Variants in STRN4 observed in about 807,000 individuals in gnomAD.
The protein encoded by STRN4 is striatin-4.
STRN4 carries 27 observed loss-of-function variants against 77.9 expected under a neutral mutation model. That is an observed-to-expected ratio of 0.35 (90% CI 0.26 to 0.48). The LOEUF is 0.48. STRN4 is among the 20% of genes least tolerant of loss of function. The pLI is 0.99. For synonymous variants in STRN4, 466 were observed against 443.1 expected (o/e 1.05, Z -0.65); for missense variants, 798 against 1,049.7 (o/e 0.76, Z 3.31).
intron 16 of STRN4, chr19:46,721,759 A>G (rs1204345479): frequency 1.9e-6 from 1 of 529,948 alleles, no homozygotes; most frequent in East Asian, 3.2e-5. Flanking sequence ...CAAAGTACCA[A>G]CCGCACAGGC....
At position 46,737,000 on chromosome 19, in the gene STRN4, T is replaced by G; in HGVS notation, c.461-99A>C. The G allele has an allele frequency of 2.6e-6, 3 of 1,150,712 alleles. No individual in the cohort carries two copies. The South Asian group carries it at 4.1e-5, about 16-fold the overall frequency. The allele number at this position is 1,150,712 out of a possible 1,614,324, so 71.3% of individuals were successfully genotyped here. A position where few individuals can be genotyped will look rare whatever the true frequency, so the allele number is the denominator to read the frequency against. On this transcript the variant is annotated intron_variant, in intron 3 of 17. Transcript: ENST00000263280. The stretch of plus-strand genomic sequence containing the variant: ...CACCCCTCCAACCCAAATCGGTCAC[T>G]GTCGCAGGTCCTGTGGCATCACTTC...
Position 46,722,357 on chromosome 19 carries a change from G to C in STRN4, c.1907-17C>G. 1 of 1,611,114 alleles carries C rather than the reference G, an allele frequency of 6.2e-7. No homozygotes were observed. The highest frequency in any genetic ancestry group is 8.5e-7 in the Non-Finnish European group (1 of 1,177,422). On this transcript the variant is annotated splice_polypyrimidine_tract_variant and intron_variant, in intron 14 of 17. Coordinates refer to ENST00000263280, the MANE Select transcript of STRN4 (RefSeq NM_013403.3). ...GGGTTGGACCTGAAGGAAAACGCAG[G>C]AAGAGGGAAGGATGTCAAGCAGAAA...
In STRN4 at chr19:46,738,834, C is replaced by T. The variant is rs748001858; in HGVS notation, c.337G>A (p.Asp113Asn). 1.2e-6 allele frequency: 2 copies of T among 1,614,182 alleles called. No homozygotes were observed. Residue 113 changes from aspartate (D) to asparagine (N), a missense_variant, in exon 2 of 18, where the codon GAC (aspartate) becomes AAC (asparagine). This residue lies in a region of STRN4 where 511 missense variants were observed against 575.9 expected (regional missense o/e 0.89). Transcript: ENST00000263280. This position sits in a 1 kb window ranked among gnomAD's most constrained non-coding sequence, Gnocchi z 4.5. Reference protein sequence around the residue: ...ERKGQENLKTDLVRRIKMLEY... With the variant: ...ERKGQENLKTNLVRRIKMLEY... ...AGCATCTTGATCCGCCGCACCAGGT[C>T]CGTCTTTAGATTCTCCTGCCCTTTC...
intron 6 of STRN4, 119 bp from the exon 7 acceptor site, chr19:46,728,896 T>G: frequency 7.0e-7 from 1 of 1,422,014 alleles, no homozygotes; most frequent in Non-Finnish European, 9.4e-7. Flanking sequence ...TGGGGCTGCC[T>G]CAGCCGCCAG....
chr19:46,722,166 C>A, intron 15 of STRN4, 76 bp downstream of exon 15: 1 of 1,598,328 alleles, frequency 6.3e-7, no homozygotes, highest in South Asian at 1.1e-5. Flanking sequence ...CAGAGCCTCC[C>A]ACAGGGACGC....
rs2054180310 is a variant in STRN4 at position 46,728,666 on chromosome 19, C to G, written c.991G>C (p.Ala331Pro). 2.5e-6 allele frequency: 4 copies of G among 1,614,124 alleles called. No homozygotes were observed. The highest frequency in any genetic ancestry group is 3.4e-6 in the Non-Finnish European group (4 of 1,179,996). Reference protein sequence around the residue: ...FLGSGEDGEGAPDPRRCTVDG... With the variant: ...FLGSGEDGEGPPDPRRCTVDG... ...ACAGTGCACCGCCGAGGGTCTGGAG[C>G]CCCTTCCCCATCCTCTCCTGAGCCC... Residue 331 changes from alanine (A) to proline (P), a missense_variant, in exon 7 of 18, where the codon GCT (alanine) becomes CCT (proline). Transcript: ENST00000263280.
chr19:46,734,533 T>C (rs946426119), intron 4 of STRN4, among the ~76,000 whole-genome samples: 3 of 152,176 alleles, frequency 2.0e-5, no homozygotes, highest in Admixed American at 1.3e-4. Context: ...GAACTGACCA[T>C]GGAGAGTTAT....
rs148927592 is a variant in STRN4, at chr19:46,737,619, G to A, written c.460+545C>T. On this transcript the variant is annotated intron_variant, in intron 3 of 17. Coordinates refer to ENST00000263280, the MANE Select transcript of STRN4 (RefSeq NM_013403.3). ...CTGTCCCCTAACCCTTTCAGCGTGCGTCTCTGTATCTGTGCTCTCTCCCCT... is the reference window on the plus strand; with the variant it reads ...CTGTCCCCTAACCCTTTCAGCGTGCATCTCTGTATCTGTGCTCTCTCCCCT... 4.4e-3 allele frequency among the ~76,000 whole-genome samples: 666 copies of A among 151,296 alleles called. 4 individuals are homozygous for A. The highest frequency in any genetic ancestry group is 0.013 in the African/African-American group (530 of 41,196).
In STRN4 at chr19:46,738,027, C is replaced by T. The variant is rs552476746; in HGVS notation, c.460+137G>A. ...AGGGAGGGCTCTGAGAGTGAGATTC[C>T]GCCCCTCCCCAGCCCCGGGGCCGAT... On this transcript the variant is annotated intron_variant, in intron 3 of 17. Coordinates refer to ENST00000263280, the MANE Select transcript of STRN4 (RefSeq NM_013403.3). The surrounding 1 kb of genome is among the most constrained non-coding windows in gnomAD (Gnocchi z 4.5). 13 of 863,326 alleles carry T rather than the reference C, an allele frequency of 1.5e-5. No individual in the cohort carries two copies. Among genetic ancestry groups the T allele is most frequent in the African/African-American group, 6.6e-5 (4 of 60,370 alleles). 53.5% of individuals were successfully genotyped at this position (863,326 alleles called of 1,614,324 possible).
At chr19:46,722,132 T>C in intron 15 of STRN4, 60 bp from the exon 16 acceptor site, 2 of 1,606,376 alleles carry the variant, frequency 1.2e-6, no homozygotes, top group Non-Finnish European at 1.7e-6. Context: ...CCTGAGAGAG[T>C]GAAAGGACTG....
intron 8 of STRN4, 136 bp downstream of exon 8, chr19:46,727,758 G>C: frequency 2.4e-6 from 2 of 847,120 alleles, no homozygotes; most frequent in Non-Finnish European, 3.6e-6. Flanking sequence ...ACAGACAGAC[G>C]AACTTTTGGG....
chr19:46,728,823 G>A, intron 6 of STRN4, 46 bp from the exon 7 acceptor site: 1 of 1,607,838 alleles, frequency 6.2e-7, no homozygotes, highest in Non-Finnish European at 8.5e-7. Flanking sequence ...CTCTTGTCCA[G>A]AGACTAAGCC....
chr19:46,739,186 A>C, intron 1 of STRN4: 1 of 411,582 alleles, frequency 2.4e-6, no homozygotes, highest in South Asian at 2.3e-5. Context: ...CTTTGGGGGG[A>C]AGTCGGGTCA....
chr19:46,745,166 T>A lies in STRN4; in HGVS notation c.282+983A>T, dbSNP rs749393351. 5.8e-4 allele frequency among the ~76,000 whole-genome samples: 87 copies of A among 151,068 alleles called. 2 individuals are homozygous for A. The highest frequency in any genetic ancestry group is 2.1e-3 in the Admixed American group (32 of 15,122). ...TTGGCACCATCCCAGGACCCTCACC[T>A]CCATACTGGACATGCCCAACACCCC... On this transcript the variant is annotated intron_variant, in intron 1 of 17. Transcript: ENST00000263280.
rs897276648 is a variant in STRN4, at chr19:46,733,295, G to T, written c.540-59C>A. ...CCCCTGGGCTTCTTCATGTACCACA[G>T]GGGCCAATGCAAACCGAGACAACCT... is the stretch of plus-strand genomic sequence containing the variant. On this transcript the variant is annotated intron_variant, in intron 4 of 17. Coordinates refer to ENST00000263280, the MANE Select transcript of STRN4 (RefSeq NM_013403.3). The surrounding 1 kb of genome is among the most constrained non-coding windows in gnomAD (Gnocchi z 4.3). The T allele has an allele frequency of 1.3e-6, 2 of 1,549,950 alleles. No individual in the cohort carries two copies. Among genetic ancestry groups the T allele is most frequent in the Non-Finnish European group, 1.7e-6 (2 of 1,143,682 alleles).
intron 1 of STRN4, chr19:46,740,078 G>C (rs2054446806): frequency 6.6e-6 from 1 of 152,210 alleles, no homozygotes. Context: ...CTTGAGGTCA[G>C]GAGTTCAAGA....
chr19:46,720,483 C>CAGT, intron 17 of STRN4, 53 bp downstream of exon 17: 2 of 1,201,498 alleles, frequency 1.7e-6, no homozygotes, highest in Non-Finnish European at 2.2e-6. Flanking sequence ...GCACACCTGG[C>CAGT]AGTACTAGGC....
rs2054409551 is a variant in STRN4 at position 46,738,340 on chromosome 19, C to G, written c.387-103G>C. ...CCCAAACCCCAAATCACAGGGCCTC[C>G]CCCAGCTCGTCTACTACTGAGGCTG... On this transcript the variant is annotated intron_variant, in intron 2 of 17. Transcript: ENST00000263280. The surrounding 1 kb of genome is among the most constrained non-coding windows in gnomAD (Gnocchi z 4.5). The G allele has an allele frequency of 9.0e-7, 1 of 1,106,386 alleles. No individual in the cohort carries two copies. Among genetic ancestry groups the G allele is most frequent in the African/African-American group, 1.5e-5 (1 of 64,998 alleles). 68.5% of individuals were successfully genotyped at this position (1,106,386 alleles called of 1,614,324 possible).
chr19:46,722,395 A>G, intron 14 of STRN4, 55 bp from the exon 15 acceptor site: 1 of 1,559,782 alleles, frequency 6.4e-7, no homozygotes, highest in Non-Finnish European at 8.8e-7. Context: ...CAGGAAGACC[A>G]GAACAGAGGC....
Sources: gnomAD v4.1 joint callset for allele counts (sites outside exome capture counted in the v4.1 genomes callset) on GRCh38, gnomAD v4.1.1 for gene constraint, gnomAD v4.1.1 regional missense constraint, Gnocchi (gnomAD v3.1) non-coding constraint, MANE v1.5 for transcripts, NCBI Gene and HGNC (gene_info 2026-07-23, HGNC 2026-07-21) for gene names.